PRR33: variants seen among roughly 807,000 people sequenced by gnomAD.
PRR33 encodes proline-rich protein 33.
A neutral mutation model predicts 0.5 loss-of-function variants in PRR33; 1 was observed. The observed-to-expected ratio is 2.18, with a 90% confidence interval of 0.77 to 10.34. The LOEUF (loss-of-function observed/expected upper bound fraction) is 10.34. Among genes scored for constraint, PRR33 ranks in the 30% most tolerant of loss-of-function variants. The pLI is 0.13. For synonymous variants in PRR33, 226 were observed against 110.0 expected (o/e 2.06, Z -6.60); for missense variants, 552 against 251.8 (o/e 2.19, Z -8.07).
At chr11:1,889,258 C>A (rs571615961) in exon 1 of PRR33, 6 of 677,404 alleles carry the variant, frequency 8.9e-6, no homozygotes, top group South Asian at 3.1e-5. Flanking sequence ...AGCTTCCGGG[C>A]GTTGAAGCGA....
the PRR33 span, among the ~76,000 whole-genome samples, chr11:1,910,343 G>A: frequency 2.6e-5 from 4 of 152,174 alleles, no homozygotes; most frequent in South Asian, 2.1e-4. Flanking sequence ...TCTGCCTCCC[G>A]GGTTCAAGGG....
rs543904517 is a variant in PRR33, at chr11:1,889,591, C to G, written c.994G>C (p.Val332Leu). 7.6e-4 allele frequency: 467 copies of G among 612,590 alleles called. 1 individual carries two copies. The highest frequency in any genetic ancestry group is 1.2e-3 in the Non-Finnish European group (390 of 334,050). 37.9% of individuals were successfully genotyped at this position (612,590 alleles called of 1,614,324 possible). ...CCACTGAGCCGGGGCTTGGGTGCAA[C>G]TTTGGGGACAGGGCATGGGTGAGGG... Residue 332 changes from valine (V) to leucine (L), a missense_variant, in exon 1 of 1, where the codon GTT becomes CTT. Physicochemically the swap from Val to Leu is conservative, Grantham distance 32. Transcript: ENST00000640310.
the PRR33 span, among the ~76,000 whole-genome samples, chr11:1,900,585 G>A: frequency 8.3e-4 from 127 of 152,196 alleles, 1 homozygote; most frequent in Admixed American, 5.0e-3. Flanking sequence ...TTTCAGAAAC[G>A]TCAGAAAAAA....
chr11:1,899,582 C>G, the PRR33 span, among the ~76,000 whole-genome samples: 1 of 152,118 alleles, frequency 6.6e-6, no homozygotes, highest in African/African-American at 2.4e-5. Context: ...TCATAAGGCA[C>G]CAACTTATGT....
At chr11:1,907,046 C>A in the PRR33 span, among the ~76,000 whole-genome samples, 2 of 152,256 alleles carry the variant, frequency 1.3e-5, no homozygotes, top group African/African-American at 4.8e-5. Flanking sequence ...AGGCCAATTC[C>A]CAGCCCGGGA....
At chr11:1,893,985 C>T (rs902242365), upstream of PRR33, among the ~76,000 whole-genome samples, 11 of 77,514 alleles carry the variant, frequency 1.4e-4, no homozygotes, top group South Asian at 4.6e-4. Flanking sequence ...GGACAGAGAG[C>T]GGGAAGGATG....
At chr11:1,890,100 C>T (rs772482041) in exon 1 of PRR33, 29 of 716,442 alleles carry the variant, frequency 4.0e-5, no homozygotes, top group Non-Finnish European at 6.5e-5. Flanking sequence ...ACTGGGGGGC[C>T]GGGTAGGTTC....
chr11:1,908,176 G>C, the PRR33 span, among the ~76,000 whole-genome samples: 2 of 152,224 alleles, frequency 1.3e-5, no homozygotes, highest in African/African-American at 4.8e-5. Context: ...CTGCTGGTCT[G>C]CGGGGAGCTC....
At chr11:1,897,525 C>T in the PRR33 span, among the ~76,000 whole-genome samples, 1 of 152,334 alleles carries the variant, frequency 6.6e-6, no homozygotes, top group East Asian at 1.9e-4. This position sits in a 1 kb window ranked among gnomAD's most constrained non-coding sequence, Gnocchi z 4.0. Context: ...GTTTAGCTTG[C>T]GTGACTCCAT....
chr11:1,911,971 A>G, the PRR33 span, among the ~76,000 whole-genome samples: 6,227 of 135,144 alleles, frequency 0.046, 369 homozygotes, highest in African/African-American at 0.13. Context: ...GACCAGCCTG[A>G]GCAAGATAGT....
upstream of PRR33, among the ~76,000 whole-genome samples, chr11:1,896,697 C>T (rs894354740): frequency 5.3e-5 from 8 of 152,176 alleles, no homozygotes; most frequent in African/African-American, 1.9e-4. Context: ...GTGATGAGGG[C>T]GGACATCCCA....
the PRR33 span, among the ~76,000 whole-genome samples, chr11:1,900,805 C>A: frequency 6.6e-6 from 1 of 152,186 alleles, no homozygotes; most frequent in Non-Finnish European, 1.5e-5. Context: ...GGTTAAACAT[C>A]ATTTCTTATT....
At chr11:1,890,063 C>T (rs1207961413) in exon 1 of PRR33, 2 of 710,816 alleles carry the variant, frequency 2.8e-6, no homozygotes, top group Non-Finnish European at 2.6e-6. Flanking sequence ...CGTGGGTGCC[C>T]CCACCCCCAG....
chr11:1,905,117 G>C, the PRR33 span, among the ~76,000 whole-genome samples: 1 of 136,376 alleles, frequency 7.3e-6, no homozygotes, highest in Non-Finnish European at 1.5e-5. Flanking sequence ...CATTGCTTGA[G>C]AATTCTTTTT....
chr11:1,889,995 G>A (rs1848924661), exon 1 of PRR33: 1 of 656,030 alleles, frequency 1.5e-6, no homozygotes. Flanking sequence ...GGCTGTCCTG[G>A]GAGGCTCAGG....
chr11:1,910,750 G>C, the PRR33 span, among the ~76,000 whole-genome samples: 1 of 152,212 alleles, frequency 6.6e-6, no homozygotes, highest in Non-Finnish European at 1.5e-5. Flanking sequence ...CTGAGCTGGT[G>C]TTCTGCAGAA....
At chr11:1,910,399 G>A in the PRR33 span, among the ~76,000 whole-genome samples, 6 of 152,008 alleles carry the variant, frequency 3.9e-5, no homozygotes, top group African/African-American at 9.7e-5. Flanking sequence ...ACAGGCACCC[G>A]CCACCACGTC....
At chr11:1,910,538 G>A in the PRR33 span, among the ~76,000 whole-genome samples, 1 of 152,192 alleles carries the variant, frequency 6.6e-6, no homozygotes, top group African/African-American at 2.4e-5. Context: ...GTGAGCCACC[G>A]TGCCTGGCTG....
At chr11:1,890,346 G>A in exon 1 of PRR33, 4 of 715,692 alleles carry the variant, frequency 5.6e-6, no homozygotes, top group Non-Finnish European at 1.0e-5. Context: ...AGCGTGCGGG[G>A]CTGTGACCTC....
Sources: allele counts gnomAD v4.1 joint callset (sites outside exome capture counted in the v4.1 genomes callset), GRCh38; gene constraint gnomAD v4.1.1; non-coding constraint Gnocchi (gnomAD v3.1); transcripts MANE v1.5; gene names NCBI Gene and HGNC (gene_info 2026-07-23, HGNC 2026-07-21).